Variants in ZNF438 observed in about 807,000 individuals in gnomAD.
The protein encoded by ZNF438 is zinc finger protein 438.
In ZNF438, 25 loss-of-function variants were observed where a neutral mutation model predicts 38.0. That is an observed-to-expected ratio of 0.66 (90% confidence interval 0.48 to 0.92). The LOEUF is 0.92. ZNF438 is among the 40% of genes least tolerant of loss of function. ZNF438 has a pLI of 0.00. For missense variants in ZNF438, 1,007 were observed against 999.6 expected, an observed-to-expected ratio of 1.01 and a Z score of -0.10; for synonymous variants, 372 against 364.1, an observed-to-expected ratio of 1.02 and a Z score of -0.25.
At chr10:30,972,731 C>G (rs1210534406) in intron 1 of ZNF438, among the ~76,000 whole-genome samples, 1 of 152,162 alleles carries the variant, frequency 6.6e-6, no homozygotes, top group African/African-American at 2.4e-5. Flanking sequence ...CAGCCTCATA[C>G]TTGAATAGGA....
At chr10:30,942,987 A>G (rs1485969315) in intron 1 of ZNF438, among the ~76,000 whole-genome samples, 1 of 152,248 alleles carries the variant, frequency 6.6e-6, no homozygotes, top group Non-Finnish European at 1.5e-5. Flanking sequence ...AAAGGCAATA[A>G]AAGTAAACAA....
At chr10:30,869,302 A>T (rs897742729) in intron 4 of ZNF438, among the ~76,000 whole-genome samples, 6 of 152,134 alleles carry the variant, frequency 3.9e-5, no homozygotes, top group African/African-American at 9.7e-5. Context: ...TGAACCAGGG[A>T]GGCGGAGGTT....
intron 1 of ZNF438, among the ~76,000 whole-genome samples, chr10:30,993,199 A>G (rs1295867347): frequency 1.3e-5 from 2 of 152,226 alleles, no homozygotes; most frequent in African/African-American, 4.8e-5. Context: ...CCCAGAGGCT[A>G]TTCATCAGGA....
chr10:30,895,007 T>C (rs1159914077), intron 3 of ZNF438, among the ~76,000 whole-genome samples: 2 of 152,234 alleles, frequency 1.3e-5, no homozygotes, highest in Non-Finnish European at 2.9e-5. Flanking sequence ...CTAACTCGTC[T>C]CTGTTTAGAG....
chr10:30,900,143 T>C (rs962073950), intron 3 of ZNF438, among the ~76,000 whole-genome samples: 1 of 152,204 alleles, frequency 6.6e-6, no homozygotes, highest in Non-Finnish European at 1.5e-5. Context: ...TAAGATTATT[T>C]ACAAAGTTCC....
chr10:30,857,743 T>A, intron 4 of ZNF438: 2 of 1,403,866 alleles, frequency 1.4e-6, no homozygotes, highest in Non-Finnish European at 1.9e-6. Flanking sequence ...GCAACGTGTG[T>A]CCTCCTCCTC....
At chr10:30,914,266 T>C (rs1001154017) in intron 2 of ZNF438, among the ~76,000 whole-genome samples, 16 of 151,948 alleles carry the variant, frequency 1.1e-4, no homozygotes, top group Admixed American at 3.9e-4. Flanking sequence ...ATGGAAAAAT[T>C]ATGGCAACAG....
intron 4 of ZNF438, among the ~76,000 whole-genome samples, chr10:30,852,587 C>T (rs2132854874): frequency 6.6e-6 from 1 of 152,316 alleles, no homozygotes; most frequent in East Asian, 1.9e-4. Flanking sequence ...AGAAATGACA[C>T]CGCCTAAATA....
chr10:31,023,357 A>G (rs1317902908), intron 1 of ZNF438, among the ~76,000 whole-genome samples: 1 of 152,230 alleles, frequency 6.6e-6, no homozygotes, highest in Non-Finnish European at 1.5e-5. Flanking sequence ...CCTTCACCAT[A>G]GACAGCACAG....
intron 4 of ZNF438, chr10:30,875,568 A>AC (rs1020374853): frequency 5.1e-6 from 5 of 985,344 alleles, no homozygotes; most frequent in Non-Finnish European, 6.0e-6. Flanking sequence ...TTCATCAGCT[A>AC]CCAAGTGCTG....
At chr10:30,992,416 CTTTTTT>C (rs60965540) in intron 1 of ZNF438, among the ~76,000 whole-genome samples, 23 of 141,692 alleles carry the variant, frequency 1.6e-4, no homozygotes, top group Non-Finnish European at 3.4e-4. Flanking sequence ...TCTGAATCTT[CTTTTTT>C]TTTTTTTTTT....
chr10:30,962,021 C>T (rs1188045458), intron 1 of ZNF438, among the ~76,000 whole-genome samples: 1 of 146,694 alleles, frequency 6.8e-6, no homozygotes, highest in Non-Finnish European at 1.5e-5. Flanking sequence ...TGGTTCTCTC[C>T]ATCAGTTTAG....
chr10:30,905,346 T>C (rs879291826), intron 3 of ZNF438, among the ~76,000 whole-genome samples: 4 of 152,238 alleles, frequency 2.6e-5, no homozygotes, highest in Non-Finnish European at 5.9e-5. Flanking sequence ...ATTGTGGCTA[T>C]TCCCTAATGA....
intron 1 of ZNF438, among the ~76,000 whole-genome samples, chr10:31,006,780 G>A (rs1564839166): frequency 1.5e-5 from 2 of 129,226 alleles, no homozygotes; most frequent in Non-Finnish European, 3.3e-5. Context: ...GCGGGGGGCG[G>A]GGGGGGGAAC....
intron 2 of ZNF438, chr10:30,923,439 A>G (rs1254834718): frequency 6.6e-6 from 1 of 152,160 alleles, no homozygotes; most frequent in Non-Finnish European, 1.5e-5. Flanking sequence ...TTTAGATTTT[A>G]TAATTAAACT....
At chr10:30,905,935 ACG>A (rs1171013103) in intron 3 of ZNF438, among the ~76,000 whole-genome samples, 1 of 152,222 alleles carries the variant, frequency 6.6e-6, no homozygotes, top group Non-Finnish European at 1.5e-5. Context: ...GTCTATCCTT[ACG>A]CCACTACCAC....
chr10:30,967,735 G>A (rs1203991066), intron 1 of ZNF438, among the ~76,000 whole-genome samples: 1 of 152,194 alleles, frequency 6.6e-6, no homozygotes, highest in Non-Finnish European at 1.5e-5. Context: ...GCGATTTCTT[G>A]TCTTAAAAAC....
intron 3 of ZNF438, among the ~76,000 whole-genome samples, chr10:30,883,089 T>C (rs1196174050): frequency 6.6e-6 from 1 of 152,118 alleles, no homozygotes; most frequent in Non-Finnish European, 1.5e-5. Context: ...ACTTAAAAAA[T>C]TTATAGAAGA....
At chr10:31,007,521 C>G (rs2055269814) in intron 1 of ZNF438, among the ~76,000 whole-genome samples, 1 of 152,162 alleles carries the variant, frequency 6.6e-6, no homozygotes, top group Non-Finnish European at 1.5e-5. Context: ...ACCTCGTGAT[C>G]TGCCCGCCTT....
Sources: allele counts gnomAD v4.1 joint callset (sites outside exome capture counted in the v4.1 genomes callset), GRCh38; gene constraint gnomAD v4.1.1; transcripts MANE v1.5; gene names NCBI Gene and HGNC (gene_info 2026-07-23, HGNC 2026-07-21).